Variants in SCOC observed in about 807,000 individuals in gnomAD.
The protein encoded by SCOC is short coiled coil protein.
A neutral mutation model predicts 9.9 loss-of-function variants in SCOC; 7 were observed. That is an observed-to-expected ratio of 0.71 (90% confidence interval 0.40 to 1.33). The LOEUF (loss-of-function observed/expected upper bound fraction) is 1.33, where lower values mean the gene tolerates loss of function less well. SCOC is among the 40% of genes most tolerant of loss of function. The pLI, the probability that SCOC is intolerant of heterozygous loss-of-function variation, is 0.01. For missense variants in SCOC, 66 were observed against 89.7 expected, an observed-to-expected ratio of 0.74 and a Z score of 1.07; for synonymous variants, 19 against 28.2, an observed-to-expected ratio of 0.67 and a Z score of 1.03.
At chr4:140,370,276 C>A (rs1015267330), upstream of SCOC, among the ~76,000 whole-genome samples, 3 of 152,072 alleles carry the variant, frequency 2.0e-5, no homozygotes, top group African/African-American at 7.2e-5. Context: ...TGATGATACA[C>A]AGTGGAGTCT....
chr4:140,331,012 A>G (rs966660140), intron 1 of SCOC, among the ~76,000 whole-genome samples: 1 of 152,152 alleles, frequency 6.6e-6, no homozygotes. Context: ...AGAGCATGGG[A>G]TGGATTTCAG....
intron 1 of SCOC, among the ~76,000 whole-genome samples, chr4:140,298,898 C>T (rs1285359912): frequency 6.6e-6 from 1 of 152,182 alleles, no homozygotes; most frequent in African/African-American, 2.4e-5. Context: ...TCACTGCAGC[C>T]TCGTCCTCCT....
intron 2 of SCOC, among the ~76,000 whole-genome samples, chr4:140,345,250 C>T (rs1187865138): frequency 6.6e-6 from 1 of 152,110 alleles, no homozygotes; most frequent in Non-Finnish European, 1.5e-5. Flanking sequence ...GACCAACGTC[C>T]CCTTGCTCCC....
intron 1 of SCOC, among the ~76,000 whole-genome samples, chr4:140,288,052 C>T (rs1731349467): frequency 6.6e-6 from 1 of 152,026 alleles, no homozygotes; most frequent in African/African-American, 2.4e-5. Context: ...ACATATGCCA[C>T]ATACAACACA....
chr4:140,287,600 T>C (rs531184411), intron 1 of SCOC, among the ~76,000 whole-genome samples: 171 of 151,812 alleles, frequency 1.1e-3, no homozygotes, highest in Middle Eastern at 3.4e-3. Context: ...ATATCACACA[T>C]ATGTACACAC....
chr4:140,349,189 T>C (rs1044046936), intron 2 of SCOC, among the ~76,000 whole-genome samples: 6 of 152,120 alleles, frequency 3.9e-5, no homozygotes, highest in Non-Finnish European at 8.8e-5. Context: ...GAGCCTTGGG[T>C]CCAGCCAGGA....
rs757156923 is a variant in SCOC at position 140,382,154 on chromosome 4, T to A, written c.*1050T>A. ...AATAGTGAATAAAATGGGAAAGTTA[T>A]ACATGTATACTTATTATCTTGCTCA... is the stretch of plus-strand genomic sequence containing the variant. On this transcript the variant is annotated 3_prime_UTR_variant, in exon 4 of 4. Transcript: ENST00000608372. 4.6e-5 allele frequency: 7 copies of A among 152,190 alleles called. No individual in the cohort carries two copies. Among genetic ancestry groups the A allele is most frequent in the Non-Finnish European group, 8.8e-5 (6 of 68,016 alleles). 9.4% of individuals were successfully genotyped at this position (152,190 alleles called of 1,614,324 possible). A position where few individuals can be genotyped will look rare whatever the true frequency, so the allele number is the denominator to read the frequency against.
chr4:140,321,121 G>A (rs1732489404), intron 1 of SCOC, among the ~76,000 whole-genome samples: 1 of 152,172 alleles, frequency 6.6e-6, no homozygotes, highest in African/African-American at 2.4e-5. Context: ...CTGGACCCCT[G>A]AGGGTAACCA....
chr4:140,266,839 T>A (rs755875880), intron 1 of SCOC, among the ~76,000 whole-genome samples: 39 of 152,054 alleles, frequency 2.6e-4, no homozygotes, highest in Non-Finnish European at 4.4e-4. Context: ...AGAGAAAAAG[T>A]AAGGGAGAGA....
chr4:140,332,579 A>G (rs1432096141), intron 1 of SCOC, among the ~76,000 whole-genome samples: 4 of 151,768 alleles, frequency 2.6e-5, no homozygotes. Flanking sequence ...GGTTTTCACC[A>G]TGTTGGCCGG....
At chr4:140,264,320 T>C (rs1405673543) in intron 1 of SCOC, among the ~76,000 whole-genome samples, 1 of 152,156 alleles carries the variant, frequency 6.6e-6, no homozygotes, top group Non-Finnish European at 1.5e-5. Flanking sequence ...GTGGTTAATG[T>C]GGGTTCTGGA....
At chr4:140,337,798 G>C (rs932178990) in intron 1 of SCOC, among the ~76,000 whole-genome samples, 3 of 151,948 alleles carry the variant, frequency 2.0e-5, no homozygotes, top group African/African-American at 7.2e-5. Context: ...CTGAAATTGA[G>C]ACAAATAATA....
intron 1 of SCOC, among the ~76,000 whole-genome samples, chr4:140,289,336 T>C (rs1170530465): frequency 6.6e-6 from 1 of 152,200 alleles, no homozygotes; most frequent in African/African-American, 2.4e-5. Flanking sequence ...AGCCAGCATA[T>C]CAGCCGCCCT....
chr4:140,302,186 C>T (rs973125738), intron 1 of SCOC, among the ~76,000 whole-genome samples: 88 of 152,232 alleles, frequency 5.8e-4, no homozygotes, highest in African/African-American at 1.9e-3. Context: ...AAGGAACATG[C>T]GTTTGATTTC....
chr4:140,357,819 T>C (rs540011412), intron 2 of SCOC, among the ~76,000 whole-genome samples: 6 of 152,340 alleles, frequency 3.9e-5, no homozygotes, highest in Non-Finnish European at 7.4e-5. Flanking sequence ...GTCATTCTAA[T>C]AAAGAATGAC....
intron 2 of SCOC, among the ~76,000 whole-genome samples, chr4:140,351,028 TA>T (rs544737285): frequency 0.019 from 2,711 of 144,288 alleles, 38 homozygotes; most frequent in Middle Eastern, 0.039. Flanking sequence ...CATCTCTACT[TA>T]AAAAAAAAAA....
intron 2 of SCOC, among the ~76,000 whole-genome samples, chr4:140,344,470 A>G (rs1331620926): frequency 6.6e-6 from 1 of 152,144 alleles, no homozygotes; most frequent in Non-Finnish European, 1.5e-5. Context: ...TTTAACATCA[A>G]TTGCTCTTTC....
intron 2 of SCOC, among the ~76,000 whole-genome samples, chr4:140,347,396 A>G (rs1726784938): frequency 6.6e-6 from 1 of 152,216 alleles, no homozygotes; most frequent in African/African-American, 2.4e-5. Flanking sequence ...GGAGCCATAC[A>G]GTGCAGGACA....
intron 1 of SCOC, among the ~76,000 whole-genome samples, chr4:140,318,470 C>G (rs1449432285): frequency 9.8e-6 from 1 of 101,650 alleles, no homozygotes; most frequent in Admixed American, 1.1e-4. Context: ...CCAAAAAACA[C>G]ATGAAAAAAT....
Sources: allele counts gnomAD v4.1 joint callset (sites outside exome capture counted in the v4.1 genomes callset), GRCh38; gene constraint gnomAD v4.1.1; transcripts MANE v1.5; gene names NCBI Gene and HGNC (gene_info 2026-07-23, HGNC 2026-07-21).